AGAP1: variants seen among roughly 807,000 people sequenced by gnomAD.
AGAP1 encodes the protein ArfGAP with GTPase domain, ankyrin repeat and PH domain 1, also known as arf-GAP with GTPase, ANK repeat and PH domain-containing protein 1.
In AGAP1, 29 loss-of-function variants were observed where a neutral mutation model predicts 105.3. That is an observed-to-expected ratio of 0.28 (90% CI 0.21 to 0.38). The LOEUF is 0.38. AGAP1 is among the 10% of genes least tolerant of loss of function. The pLI, the probability that AGAP1 is intolerant of heterozygous loss-of-function variation, is 1.00. For synonymous variants in AGAP1, 509 were observed against 485.9 expected (o/e 1.05, Z -0.63); for missense variants, 998 against 1,165.1 (o/e 0.86, Z 2.09).
At chr2:235,768,389 C>T (rs1169934696) in intron 6 of AGAP1, among the ~76,000 whole-genome samples, 1 of 152,076 alleles carries the variant, frequency 6.6e-6, no homozygotes, top group Non-Finnish European at 1.5e-5. Flanking sequence ...AATTGAATGT[C>T]TAGAATTTAT....
rs993941257 is a variant in AGAP1 at position 235,629,308 on chromosome 2, G to A, written c.164-79871G>A. On this transcript the variant is annotated intron_variant, in intron 1 of 17. Coordinates refer to ENST00000304032, the MANE Select transcript of AGAP1 (RefSeq NM_001037131.3). ...TGTGTGTGTGTGTGTGTGTGTGTGTGTGTGTGTGTGTATGTGTATACACCA... is the reference window on the plus strand; with the variant it reads ...TGTGTGTGTGTGTGTGTGTGTGTGTATGTGTGTGTGTATGTGTATACACCA... Among the ~76,000 whole-genome samples the A allele has an allele frequency of 5.7e-4, 69 of 121,124 alleles. 1 individual carries two copies. Among genetic ancestry groups the A allele is most frequent in the African/African-American group, 1.8e-3 (67 of 36,318 alleles). 79.5% of individuals were successfully genotyped at this position (121,124 alleles called of 152,430 possible). A position where few individuals can be genotyped will look rare whatever the true frequency, so the allele number is the denominator to read the frequency against.
Position 235,951,251 on chromosome 2 carries a change from G to A in AGAP1, c.1484-17211G>A, listed in dbSNP as rs1047430388. On this transcript the variant is annotated intron_variant, in intron 12 of 17. Coordinates refer to ENST00000304032, the MANE Select transcript of AGAP1 (RefSeq NM_001037131.3). The surrounding 1 kb of genome is among the most constrained non-coding windows in gnomAD (Gnocchi z 4.2). ...TGCAGTTGCGGATGAAGATGCTCAC[G>A]AGTGGAGGTGTTGGTGGAGATAGTT... Among the ~76,000 whole-genome samples the A allele has an allele frequency of 3.3e-5, 5 of 152,186 alleles. No homozygotes were observed. The highest frequency in any genetic ancestry group is 2.0e-4 in the Admixed American group (3 of 15,276).
rs931253490 is a variant in AGAP1 at position 236,124,903 on chromosome 2, CTGTT to C, written c.*783_*786del. On this transcript the variant is annotated 3_prime_UTR_variant, in exon 18 of 18. Coordinates refer to ENST00000304032, the MANE Select transcript of AGAP1 (RefSeq NM_001037131.3). The surrounding 1 kb of genome is among the most constrained non-coding windows in gnomAD (Gnocchi z 5.1). ...TAAATTCACTGTCATCATTTAGTAT[CTGTT>C]TAATTTTTCAGTCCAAAGAGAGGAA... The C allele has an allele frequency of 6.4e-6, 1 of 157,228 alleles. No homozygotes were observed. The highest frequency in any genetic ancestry group is 1.5e-5 in the Non-Finnish European group (1 of 68,072). The allele number at this position is 157,228 out of a possible 1,614,324, so 9.7% of individuals were successfully genotyped here.
rs1182831958 is a variant in AGAP1 at position 235,751,242 on chromosome 2, C to A, written c.673+754C>A. Among the ~76,000 whole-genome samples the A allele has an allele frequency of 7.9e-5, 12 of 152,330 alleles. No individual in the cohort carries two copies. Among genetic ancestry groups the A allele is most frequent in the African/African-American group, 2.9e-4 (12 of 41,570 alleles). ...GGTCTGGGGTAAATAAGGACTGATA[C>A]TTCTAAAGCCAGTCTTTTCAAGTTG... On this transcript the variant is annotated intron_variant, in intron 6 of 17. Coordinates refer to ENST00000304032, the MANE Select transcript of AGAP1 (RefSeq NM_001037131.3). The surrounding 1 kb of genome is among the most constrained non-coding windows in gnomAD (Gnocchi z 5.3).
At chr2:235,794,295 TG>T (rs2150025895) in intron 6 of AGAP1, among the ~76,000 whole-genome samples, 1 of 152,300 alleles carries the variant, frequency 6.6e-6, no homozygotes, top group East Asian at 1.9e-4. Context: ...GCATTACTCT[TG>T]GGAGTCTCAG....
chr2:235,588,980 T>G (rs1027433012), intron 1 of AGAP1, among the ~76,000 whole-genome samples: 4 of 152,088 alleles, frequency 2.6e-5, no homozygotes, highest in African/African-American at 9.7e-5. Flanking sequence ...GTTGTGCTCG[T>G]GCTGAGTTGT....
chr2:235,609,024 A>C lies in AGAP1; in HGVS notation c.164-100155A>C, dbSNP rs1946041791. Among the ~76,000 whole-genome samples, 1 of 152,142 alleles carries C rather than the reference A, an allele frequency of 6.6e-6. No individual in the cohort carries two copies. The highest frequency in any genetic ancestry group is 1.5e-5 in the Non-Finnish European group (1 of 68,042). On this transcript the variant is annotated intron_variant, in intron 1 of 17. Transcript: ENST00000304032. The surrounding 1 kb of genome is among the most constrained non-coding windows in gnomAD (Gnocchi z 5.1). The stretch of plus-strand genomic sequence containing the variant: ...AGCAAATTTAAGAAGCTAAGGAGGG[A>C]GGAAGGAGGCAGTGGTAAGTTCTGC...
At chr2:235,560,169 G>T (rs561942371) in intron 1 of AGAP1, among the ~76,000 whole-genome samples, 1 of 152,292 alleles carries the variant, frequency 6.6e-6, no homozygotes, top group African/African-American at 2.4e-5. Context: ...TATGGTGTAA[G>T]ATGGGGTAAT....
At chr2:235,945,820 C>G (rs531278554) in intron 12 of AGAP1, among the ~76,000 whole-genome samples, 1 of 137,278 alleles carries the variant, frequency 7.3e-6, no homozygotes, top group African/African-American at 2.6e-5. Context: ...GCTTGGCTTC[C>G]GGGGGGGTGC....
chr2:236,108,415 C>T (rs1423319765), intron 16 of AGAP1, among the ~76,000 whole-genome samples: 5 of 152,148 alleles, frequency 3.3e-5, no homozygotes, highest in Non-Finnish European at 7.3e-5. Flanking sequence ...ACCAGGCGGG[C>T]GGGTCCCCTC....
In AGAP1 at chr2:236,053,161, G is replaced by A. The variant is rs1239283679; in HGVS notation, c.2114+3880G>A. Reference sequence around the variant, plus strand: ...TTAGAGGTACATGGTGTTACTGTAAGGAGAAGTTGCCAAGCTCCTTGGTGA... The same window carrying A: ...TTAGAGGTACATGGTGTTACTGTAAAGAGAAGTTGCCAAGCTCCTTGGTGA... On this transcript the variant is annotated intron_variant, in intron 16 of 17. Coordinates refer to ENST00000304032, the MANE Select transcript of AGAP1 (RefSeq NM_001037131.3). This position sits in a 1 kb window ranked among gnomAD's most constrained non-coding sequence, Gnocchi z 4.6. Among the ~76,000 whole-genome samples, 1 of 152,208 alleles carries A rather than the reference G, an allele frequency of 6.6e-6. No individual in the cohort carries two copies. The highest frequency in any genetic ancestry group is 2.4e-5 in the African/African-American group (1 of 41,462).
At position 235,582,732 on chromosome 2, in the gene AGAP1, G is replaced by C. The variant is rs897482488; in HGVS notation, c.163+87883G>C. On this transcript the variant is annotated intron_variant, in intron 1 of 17. Coordinates refer to ENST00000304032, the MANE Select transcript of AGAP1 (RefSeq NM_001037131.3). This position sits in a 1 kb window ranked among gnomAD's most constrained non-coding sequence, Gnocchi z 4.7. ...GGGAGAAGTCAGAGAGAGGGGGCTC[G>C]TGGTCCTTCTTGGGCTCTCATTGCT... is the stretch of plus-strand genomic sequence containing the variant. 6.6e-6 allele frequency among the ~76,000 whole-genome samples: 1 copy of C among 152,254 alleles called. No homozygotes were observed. The highest frequency in any genetic ancestry group is 6.5e-5 in the Admixed American group (1 of 15,286).
At chr2:235,507,969 C>T (rs956600088) in intron 1 of AGAP1, among the ~76,000 whole-genome samples, 1 of 152,120 alleles carries the variant, frequency 6.6e-6, no homozygotes, top group Non-Finnish European at 1.5e-5. Context: ...CACCCTCAAG[C>T]AGGCCTTGGT....
chr2:235,602,764 C>T lies in AGAP1; in HGVS notation c.164-106415C>T, dbSNP rs191352560. On this transcript the variant is annotated intron_variant, in intron 1 of 17. Transcript: ENST00000304032. ...TCACCCAGGCTGGAGTGCAGTGGTG[C>T]GATCTTGGCTCACTGCAACCTCCGC... Among the ~76,000 whole-genome samples, 56 of 152,218 alleles carry T rather than the reference C, an allele frequency of 3.7e-4. 1 individual carries two copies. The highest frequency in any genetic ancestry group is 2.1e-3 in the East Asian group (11 of 5,174).
At position 235,906,050 on chromosome 2, in the gene AGAP1, G is replaced by A. The variant is rs1406325475; in HGVS notation, c.1156-2688G>A. Among the ~76,000 whole-genome samples the A allele has an allele frequency of 1.3e-5, 2 of 152,094 alleles. No homozygotes were observed. Among genetic ancestry groups the A allele is most frequent in the Non-Finnish European group, 2.9e-5 (2 of 68,004 alleles). Reference sequence around the variant, plus strand: ...TTCCCAGCCCAGATACCACCCTCCCGTTACCCGAACCCACCATGACAGCTT... The same window carrying A: ...TTCCCAGCCCAGATACCACCCTCCCATTACCCGAACCCACCATGACAGCTT... On this transcript the variant is annotated intron_variant, in intron 10 of 17. Coordinates refer to ENST00000304032, the MANE Select transcript of AGAP1 (RefSeq NM_001037131.3). This position sits in a 1 kb window ranked among gnomAD's most constrained non-coding sequence, Gnocchi z 5.3.
chr2:235,676,628 A>G (rs562502799), intron 1 of AGAP1, among the ~76,000 whole-genome samples: 18 of 152,334 alleles, frequency 1.2e-4, no homozygotes, highest in Admixed American at 7.2e-4. Flanking sequence ...TAATGCCAAC[A>G]CTAAACATAA....
In AGAP1 at chr2:235,631,058, G is replaced by A. The variant is rs1229914907; in HGVS notation, c.164-78121G>A. 6.6e-6 allele frequency among the ~76,000 whole-genome samples: 1 copy of A among 152,196 alleles called. No individual in the cohort carries two copies. Among genetic ancestry groups the A allele is most frequent in the African/African-American group, 2.4e-5 (1 of 41,458 alleles). On this transcript the variant is annotated intron_variant, in intron 1 of 17. Coordinates refer to ENST00000304032, the MANE Select transcript of AGAP1 (RefSeq NM_001037131.3). This position sits in a 1 kb window ranked among gnomAD's most constrained non-coding sequence, Gnocchi z 5.4. ...TTGGCCTGTCAAAAATATTTTGACAGGGCCCACAGTCTAGCTCCTTCATAT... is the reference window on the plus strand; with the variant it reads ...TTGGCCTGTCAAAAATATTTTGACAAGGCCCACAGTCTAGCTCCTTCATAT...
intron 1 of AGAP1, among the ~76,000 whole-genome samples, chr2:235,554,820 C>T (rs1235372343): frequency 6.6e-6 from 1 of 152,182 alleles, no homozygotes; most frequent in African/African-American, 2.4e-5. Context: ...CAGGCGCCTG[C>T]CACCATGCCT....
intron 1 of AGAP1, among the ~76,000 whole-genome samples, chr2:235,571,999 CACA>C (rs1574871815): frequency 8.3e-6 from 1 of 120,060 alleles, no homozygotes; most frequent in East Asian, 2.5e-4. Context: ...CACACACACA[CACA>C]CTTTTTTTTT....
Sources: gnomAD v4.1 joint callset for allele counts (sites outside exome capture counted in the v4.1 genomes callset) on GRCh38, gnomAD v4.1.1 for gene constraint, Gnocchi (gnomAD v3.1) non-coding constraint, MANE v1.5 for transcripts, NCBI Gene and HGNC (gene_info 2026-07-23, HGNC 2026-07-21) for gene names.